The following MYO3B variants were observed in gnomAD, a reference collection of about 807,000 sequenced individuals.
MYO3B encodes the protein myosin-IIIb.
A neutral mutation model predicts 174.6 loss-of-function variants in MYO3B; 156 were observed. The ratio of observed to expected loss-of-function variants is 0.89; its 90% CI spans 0.78 to 1.02. The LOEUF (loss-of-function observed/expected upper bound fraction) is 1.02. Ranked by LOEUF, MYO3B falls within the 50% of genes least tolerant of loss-of-function variation. The pLI is 0.00. For missense variants in MYO3B, 1,632 were observed against 1,639.4 expected (o/e 1.00, Z 0.08); for synonymous variants, 563 against 569.1 (o/e 0.99, Z 0.15).
At chr2:170,543,505 T>G (rs1219092693) in intron 31 of MYO3B, among the ~76,000 whole-genome samples, 3 of 152,242 alleles carry the variant, frequency 2.0e-5, no homozygotes, top group Non-Finnish European at 4.4e-5. Flanking sequence ...CTTTGGATGA[T>G]GTACTTAGAA....
At chr2:170,488,728 A>G (rs1276056801) in intron 25 of MYO3B, among the ~76,000 whole-genome samples, 1 of 152,182 alleles carries the variant, frequency 6.6e-6, no homozygotes. Context: ...GACAGAATTT[A>G]CATATCTATT....
rs1683319275 is a variant in MYO3B, at chr2:170,447,807, C to T, written c.2730+3761C>T. On this transcript the variant is annotated intron_variant, in intron 23 of 34. Transcript: ENST00000408978. ...TCAAGGATTGGAGTTTTGAAGGATA[C>T]TTTGGTAGGTAGGGGGCAAGTCAAT... Among the ~76,000 whole-genome samples, 3 of 152,136 alleles carry T rather than the reference C, an allele frequency of 2.0e-5. No individual in the cohort carries two copies. In the South Asian group the frequency reaches 6.2e-4, roughly 31 times the overall value.
chr2:170,325,770 T>C, intron 7 of MYO3B, among the ~76,000 whole-genome samples: 1 of 152,128 alleles, frequency 6.6e-6, no homozygotes, highest in East Asian at 1.9e-4. Context: ...CCTGTGGTGG[T>C]CCAGCCCAGT....
At position 170,563,097 on chromosome 2, in the gene MYO3B, T is replaced by TTCTC. The variant is rs372040060; in HGVS notation, c.3733+19122_3733+19125dup. 5.0e-5 allele frequency among the ~76,000 whole-genome samples: 5 copies of TTCTC among 100,382 alleles called. No homozygotes were observed. In the East Asian group the frequency reaches 1.3e-3, roughly 26 times the overall value. 65.9% of individuals were successfully genotyped at this position (100,382 alleles called of 152,430 possible). On this transcript the variant is annotated intron_variant, in intron 32 of 34. Transcript: ENST00000408978. ...CACACACTACACACACATACACTCT[T>TTCTC]TCTCTCTCTCTCTCTCACACATACA...
At chr2:170,442,497 CT>C (rs34632756) in intron 22 of MYO3B, among the ~76,000 whole-genome samples, 26,757 of 136,672 alleles carry the variant, frequency 0.2, 2,493 homozygotes, top group African/African-American at 0.24. Context: ...AGGAGGTGTT[CT>C]TTTTTTTTTT....
intron 22 of MYO3B, chr2:170,412,074 T>A (rs2094549193): frequency 6.6e-6 from 1 of 152,246 alleles, no homozygotes; most frequent in African/African-American, 2.4e-5. Flanking sequence ...GCAGCAACAC[T>A]GCTTTCTAAC....
chr2:170,390,065 A>G (rs900283353), intron 14 of MYO3B, among the ~76,000 whole-genome samples: 1 of 152,206 alleles, frequency 6.6e-6, no homozygotes, highest in South Asian at 2.1e-4. Flanking sequence ...TATTCATTGA[A>G]TAGTCACATT....
intron 1 of MYO3B, among the ~76,000 whole-genome samples, chr2:170,178,996 G>C (rs2092365279): frequency 6.6e-6 from 1 of 152,044 alleles, no homozygotes; most frequent in Non-Finnish European, 1.5e-5. Flanking sequence ...AAAATCCATA[G>C]AACATTAGAG....
chr2:170,257,077 A>G (rs891777967), intron 7 of MYO3B, among the ~76,000 whole-genome samples: 2 of 152,224 alleles, frequency 1.3e-5, no homozygotes, highest in African/African-American at 2.4e-5. Context: ...TATGCACTCA[A>G]TGTTGGAGCA....
intron 34 of MYO3B, among the ~76,000 whole-genome samples, chr2:170,652,542 C>T (rs767372120): frequency 8.5e-5 from 13 of 152,164 alleles, no homozygotes; most frequent in Non-Finnish European, 1.6e-4. Context: ...CAAGGAGAAA[C>T]ATGCCCAACT....
chr2:170,258,912 A>G (rs938135686), intron 7 of MYO3B, among the ~76,000 whole-genome samples: 4 of 152,206 alleles, frequency 2.6e-5, no homozygotes, highest in African/African-American at 9.6e-5. Flanking sequence ...TAGTATTTCT[A>G]TACACCAGTC....
chr2:170,454,867 G>C (rs982177440), intron 23 of MYO3B, among the ~76,000 whole-genome samples: 4 of 152,096 alleles, frequency 2.6e-5, no homozygotes, highest in African/African-American at 7.2e-5. Flanking sequence ...CTGTGGGTAG[G>C]GGGGACAGTG....
chr2:170,216,291 G>A (rs915914626), intron 5 of MYO3B, among the ~76,000 whole-genome samples: 5 of 152,068 alleles, frequency 3.3e-5, no homozygotes, highest in African/African-American at 9.7e-5. Flanking sequence ...ACTTCTGTGT[G>A]GTATAAAAGA....
intron 7 of MYO3B, among the ~76,000 whole-genome samples, chr2:170,276,035 A>G (rs1454494070): frequency 6.6e-6 from 1 of 152,208 alleles, no homozygotes; most frequent in Admixed American, 6.6e-5. Flanking sequence ...GTACTTTTCC[A>G]TGACAGCCAG....
intron 7 of MYO3B, among the ~76,000 whole-genome samples, chr2:170,260,498 A>G (rs115459855): frequency 0.017 from 2,567 of 152,352 alleles, 41 homozygotes; most frequent in South Asian, 0.055. Flanking sequence ...GTGGCAGCTA[A>G]ACATTGGGTA....
intron 32 of MYO3B, among the ~76,000 whole-genome samples, chr2:170,635,705 T>C (rs1356006944): frequency 1.3e-5 from 2 of 152,194 alleles, no homozygotes; most frequent in African/African-American, 2.4e-5. Context: ...CTCTGTTCTT[T>C]AAGTCTAATC....
rs1697957152 is a variant in MYO3B, at chr2:170,641,645, T to C, written c.3734-9983T>C. ...ATTAGAAGTGATACCATTTAAGCTA[T>C]CTCTGGAAGACAGATATCTCTGGAA... On this transcript the variant is annotated intron_variant, in intron 32 of 34. Transcript: ENST00000408978. Among the ~76,000 whole-genome samples the C allele has an allele frequency of 2.0e-5, 3 of 152,136 alleles. No homozygotes were observed. The South Asian group carries it at 6.2e-4, about 32-fold the overall frequency.
chr2:170,462,035 C>T (rs890985044), intron 23 of MYO3B, among the ~76,000 whole-genome samples: 3 of 152,202 alleles, frequency 2.0e-5, no homozygotes, highest in African/African-American at 7.2e-5. Flanking sequence ...AGAGTGGACC[C>T]ATCTGGTGAC....
At chr2:170,336,388 T>G (rs1338432978) in intron 8 of MYO3B, among the ~76,000 whole-genome samples, 1 of 152,088 alleles carries the variant, frequency 6.6e-6, no homozygotes, top group African/African-American at 2.4e-5. Flanking sequence ...AACTTAGCTT[T>G]CACAAAGAAG....
Sources: allele counts gnomAD v4.1 joint callset (sites outside exome capture counted in the v4.1 genomes callset), GRCh38; gene constraint gnomAD v4.1.1; transcripts MANE v1.5; gene names NCBI Gene and HGNC (gene_info 2026-07-23, HGNC 2026-07-21).